The following PRSS12 variants were observed in gnomAD, a reference collection of about 807,000 sequenced individuals.
PRSS12 encodes the protein neurotrypsin.
Under a neutral mutation model 104.4 loss-of-function variants are expected in PRSS12, and 85 were observed. That is an observed-to-expected ratio of 0.81 (90% confidence interval 0.68 to 0.98). The LOEUF is 0.98. Among genes scored for constraint, PRSS12 ranks in the 50% least tolerant of loss-of-function variants. The pLI is 0.00. For synonymous variants in PRSS12, 454 were observed against 425.2 expected (o/e 1.07, Z -0.83); for missense variants, 1,141 against 1,139.2 (o/e 1.00, Z -0.02).
chr4:118,335,426 TAAAACATA>T, intron 3 of PRSS12, 39 bp downstream of exon 3: 1 of 1,602,794 alleles, frequency 6.2e-7, no homozygotes. Context: ...GAATCACGTT[TAAAACATA>T]ATGAAAGTAA....
intron 11 of PRSS12, among the ~76,000 whole-genome samples, chr4:118,286,077 T>G (rs553540693): frequency 1.3e-5 from 2 of 152,340 alleles, no homozygotes; most frequent in African/African-American, 4.8e-5. Flanking sequence ...ATGTGTCATT[T>G]CATGCCAAGA....
In PRSS12 at chr4:118,305,092, G is replaced by T. The variant is rs555279747; in HGVS notation, c.1631+3344C>A. Reference sequence around the variant, plus strand: ...GATCCTCGGCACTAGTCACATACCTGTTTATAATTTATATATATATATATA... The same window carrying T: ...GATCCTCGGCACTAGTCACATACCTTTTTATAATTTATATATATATATATA... On this transcript the variant is annotated intron_variant, in intron 8 of 12. Coordinates refer to ENST00000296498, the MANE Select transcript of PRSS12 (RefSeq NM_003619.4). Among the ~76,000 whole-genome samples, 61 of 147,894 alleles carry T rather than the reference G, an allele frequency of 4.1e-4. 1 individual carries two copies. Among genetic ancestry groups the T allele is most frequent in the Non-Finnish European group, 2.2e-4 (15 of 67,020 alleles).
intron 11 of PRSS12, among the ~76,000 whole-genome samples, chr4:118,286,000 A>G (rs1743005141): frequency 6.6e-6 from 1 of 152,206 alleles, no homozygotes; most frequent in African/African-American, 2.4e-5. Flanking sequence ...GAAACAGGAC[A>G]TTACTAGCAC....
chr4:118,346,990 CACAG>C (rs112299289), intron 1 of PRSS12, among the ~76,000 whole-genome samples: 312 of 152,056 alleles, frequency 2.1e-3, no homozygotes, highest in African/African-American at 6.9e-3. Flanking sequence ...CACACACACA[CACAG>C]ACAGTGACCA....
chr4:118,285,236 C>G (rs1742988292), intron 11 of PRSS12, among the ~76,000 whole-genome samples: 1 of 151,936 alleles, frequency 6.6e-6, no homozygotes, highest in Non-Finnish European at 1.5e-5. Context: ...ATATATTGTG[C>G]CTAAAGTATA....
At chr4:118,344,116 G>A (rs1179769971) in intron 1 of PRSS12, among the ~76,000 whole-genome samples, 1 of 152,042 alleles carries the variant, frequency 6.6e-6, no homozygotes, top group Non-Finnish European at 1.5e-5. Context: ...TACACTTAAA[G>A]CTGTGAGTGA....
At chr4:118,305,286 T>C (rs1334806096) in intron 8 of PRSS12, among the ~76,000 whole-genome samples, 3 of 151,940 alleles carry the variant, frequency 2.0e-5, no homozygotes, top group African/African-American at 2.4e-5. Context: ...TTGCAGATTA[T>C]GTTATCCAAT....
Position 118,298,783 on chromosome 4 carries a change from C to G in PRSS12, c.1787G>C (p.Gly596Ala). 1 of 1,614,162 alleles carries G rather than the reference C, an allele frequency of 6.2e-7. No homozygotes were observed. The highest frequency in any genetic ancestry group is 8.5e-7 in the Non-Finnish European group (1 of 1,180,024). The change falls in exon 9 of 13, where the codon GGA becomes GCA. Residue 596 changes from glycine to alanine, a missense_variant. Transcript: ENST00000296498. ...RHNCRHSEDA[G>A]VICDYFGKKA... Reference sequence around the variant, plus strand: ...CTTGCCAAAATAATCACAAATAACTCCTGCATCTTCACTGTGGCGGCAGTT... The same window carrying G: ...CTTGCCAAAATAATCACAAATAACTGCTGCATCTTCACTGTGGCGGCAGTT...
At position 118,338,287 on chromosome 4, in the gene PRSS12, T is replaced by A; in HGVS notation, c.530A>T (p.Asn177Ile). 1 of 1,614,020 alleles carries A rather than the reference T, an allele frequency of 6.2e-7. No homozygotes were observed. Among genetic ancestry groups the A allele is most frequent in the Non-Finnish European group, 8.5e-7 (1 of 1,179,928 alleles). The change falls in exon 2 of 13, where the codon AAT becomes ATT. Residue 177 changes from asparagine to isoleucine, a missense_variant. Transcript: ENST00000296498. Reference protein sequence around the residue: ...HGSVRLRGGKNEFEGTVEVYA... With the variant: ...HGSVRLRGGKIEFEGTVEVYA... ...TACTTCCACTGTGCCTTCAAACTCA[T>A]TTTTGCCGCCACGAAGTCGTACTGA...
At chr4:118,290,794 T>C (rs976291543) in intron 11 of PRSS12, among the ~76,000 whole-genome samples, 1 of 152,144 alleles carries the variant, frequency 6.6e-6, no homozygotes, top group Non-Finnish European at 1.5e-5. Context: ...TTCTGTTGTA[T>C]TGTACCAGGC....
chr4:118,312,325 C>A (rs1743758178), intron 7 of PRSS12, among the ~76,000 whole-genome samples: 1 of 151,932 alleles, frequency 6.6e-6, no homozygotes, highest in African/African-American at 2.4e-5. Flanking sequence ...AAGTAAAGAC[C>A]ACCTAAGGCT....
chr4:118,305,741 T>C (rs192642354), intron 8 of PRSS12, among the ~76,000 whole-genome samples: 116 of 152,306 alleles, frequency 7.6e-4, no homozygotes, highest in Non-Finnish European at 1.5e-3. Flanking sequence ...TATTGTACGG[T>C]AGATCTCTAG....
At chr4:118,311,306 ACCCAAAAGAGTGT>A (rs1743718950) in intron 7 of PRSS12, among the ~76,000 whole-genome samples, 1 of 152,108 alleles carries the variant, frequency 6.6e-6, no homozygotes, top group Non-Finnish European at 1.5e-5. Flanking sequence ...CCTACCACAG[ACCCAAAAGAGTGT>A]CTACAGGGCT....
chr4:118,304,980 C>T (rs1041677084), intron 8 of PRSS12, among the ~76,000 whole-genome samples: 9 of 151,638 alleles, frequency 5.9e-5, no homozygotes, highest in South Asian at 2.1e-4. Context: ...AATCTTATAA[C>T]AGCTTCAAAG....
chr4:118,314,289 T>C (rs1266532599), intron 6 of PRSS12, among the ~76,000 whole-genome samples: 2 of 149,326 alleles, frequency 1.3e-5, no homozygotes, highest in African/African-American at 2.5e-5. Context: ...GAGATCTTTC[T>C]ATCTGACATG....
intron 1 of PRSS12, among the ~76,000 whole-genome samples, chr4:118,339,950 G>T (rs1220741447): frequency 6.6e-6 from 1 of 152,038 alleles, no homozygotes; most frequent in Non-Finnish European, 1.5e-5. Context: ...CCTTAATCAC[G>T]AAGTTACTCA....
At chr4:118,343,052 T>C (rs1724257182) in intron 1 of PRSS12, among the ~76,000 whole-genome samples, 1 of 152,016 alleles carries the variant, frequency 6.6e-6, no homozygotes, top group Non-Finnish European at 1.5e-5. Context: ...GCAGACTGGA[T>C]AAAAATTCCC....
In PRSS12 at chr4:118,282,985, G is replaced by A. The variant is rs1742922292; in HGVS notation, c.2166C>T (p.Arg722=). Residue 722 remains arginine (R), a synonymous_variant, in exon 12 of 13, where the codon CGC becomes CGT. Transcript: ENST00000296498. Reference sequence around the variant, plus strand: ...TAACCAGGGCTATGTCATAATCACTGCGGTCGGGTCGATACTCCCGATGAA... The same window carrying A: ...TAACCAGGGCTATGTCATAATCACTACGGTCGGGTCGATACTCCCGATGAA... ...IVIHREYRPD[R]SDYDIALVRL... The A allele has an allele frequency of 6.2e-7, 1 of 1,614,126 alleles. No homozygotes were observed. The highest frequency in any genetic ancestry group is 1.3e-5 in the African/African-American group (1 of 75,036).
Position 118,348,571 on chromosome 4 carries a change from A to T in PRSS12, c.502+3648T>A, listed in dbSNP as rs533703510. Among the ~76,000 whole-genome samples the T allele has an allele frequency of 7.2e-5, 11 of 152,340 alleles. No homozygotes were observed. The South Asian group carries it at 2.3e-3, about 32-fold the overall frequency. On this transcript the variant is annotated intron_variant, in intron 1 of 12. Transcript: ENST00000296498. ...CTACAGTCTAGGAATCTGCATTTTAACAAGTCCCAAGGTGTTTCTAAATGC... is the reference window on the plus strand; with the variant it reads ...CTACAGTCTAGGAATCTGCATTTTATCAAGTCCCAAGGTGTTTCTAAATGC...
Sources: allele counts gnomAD v4.1 joint callset (sites outside exome capture counted in the v4.1 genomes callset), GRCh38; gene constraint gnomAD v4.1.1; transcripts MANE v1.5; gene names NCBI Gene and HGNC (gene_info 2026-07-23, HGNC 2026-07-21).